UQCRC2: variants seen among roughly 807,000 people sequenced by gnomAD.
UQCRC2 encodes the protein ubiquinol-cytochrome c reductase core protein 2.
In UQCRC2, 49 loss-of-function variants were observed where a neutral mutation model predicts 55.6. That is an observed-to-expected ratio of 0.88 (90% CI 0.70 to 1.12). The LOEUF (loss-of-function observed/expected upper bound fraction) is 1.12. UQCRC2 is among the 50% of genes most tolerant of loss of function. UQCRC2 has a pLI of 0.00. For synonymous variants in UQCRC2, 193 were observed against 192.0 expected, an observed-to-expected ratio of 1.01 and a Z score of -0.04; for missense variants, 506 against 547.8, an observed-to-expected ratio of 0.92 and a Z score of 0.76.
chr16:21,979,718 G>A (rs1043198997), intron 12 of UQCRC2, among the ~76,000 whole-genome samples: 9 of 150,130 alleles, frequency 6.0e-5, no homozygotes, highest in African/African-American at 1.5e-4. Context: ...GTGCACTGCT[G>A]TAGATACTAA....
intron 4 of UQCRC2, 126 bp downstream of exon 4, chr16:21,958,725 A>C: frequency 1.3e-6 from 1 of 775,548 alleles, no homozygotes; most frequent in East Asian, 2.7e-5. Flanking sequence ...AGACTGATGA[A>C]TTTGAGTATA....
intron 1 of UQCRC2, among the ~76,000 whole-genome samples, 171 bp from the exon 2 acceptor site, chr16:21,957,064 G>A (rs1207531324): frequency 1.4e-5 from 2 of 147,772 alleles, no homozygotes; most frequent in African/African-American, 2.5e-5. Context: ...GAGACACTCT[G>A]TCTCAAAAAA....
At chr16:21,967,751 G>C (rs1394263521) in intron 7 of UQCRC2, among the ~76,000 whole-genome samples, 4 of 152,126 alleles carry the variant, frequency 2.6e-5, no homozygotes, top group African/African-American at 7.2e-5. Context: ...TGATCTTACA[G>C]TTTCGACACC....
intron 12 of UQCRC2, 156 bp from the exon 13 acceptor site, chr16:21,980,391 G>A (rs1426045186): frequency 5.4e-6 from 4 of 747,158 alleles, no homozygotes; most frequent in Admixed American, 5.7e-5. Flanking sequence ...CCAGAGAAGG[G>A]AGTGGCATTC....
chr16:21,973,952 C>G lies in UQCRC2; in HGVS notation c.1023C>G (p.Ile341Met), dbSNP rs769955662. ...SDSGLFGIYT[I>M]SQATAAGDVI... Reference sequence around the variant, plus strand: ...CTGGACTCTTTGGGATTTATACTATCTCCCAGGCCACAGCTGCTGGAGATG... The same window carrying G: ...CTGGACTCTTTGGGATTTATACTATGTCCCAGGCCACAGCTGCTGGAGATG... The change falls in exon 11 of 14, where the codon ATC becomes ATG. Residue 341 changes from isoleucine (I) to methionine (M), a missense_variant. By Grantham distance (10) the Ile-to-Met change is conservative. Transcript: ENST00000268379. 6.2e-7 allele frequency: 1 copy of G among 1,610,458 alleles called. No individual in the cohort carries two copies. The highest frequency in any genetic ancestry group is 1.1e-5 in the South Asian group (1 of 90,308).
intron 1 of UQCRC2, among the ~76,000 whole-genome samples, chr16:21,955,213 A>G (rs1898069406): frequency 6.6e-6 from 1 of 152,226 alleles, no homozygotes; most frequent in Admixed American, 6.5e-5. Context: ...GGAAAATTAT[A>G]GGCCAAAATT....
intron 8 of UQCRC2, among the ~76,000 whole-genome samples, chr16:21,970,811 C>T (rs764889367): frequency 3.9e-5 from 6 of 152,160 alleles, no homozygotes; most frequent in Non-Finnish European, 8.8e-5. Context: ...GTCTCGAACT[C>T]CTGAGCTCAG....
Position 21,953,473 on chromosome 16 carries a change from G to A in UQCRC2, c.33+17G>A, listed in dbSNP as rs1345044133. 1 of 1,611,974 alleles carries A rather than the reference G, an allele frequency of 6.2e-7. No individual in the cohort carries two copies. Among genetic ancestry groups the A allele is most frequent in the Admixed American group, 1.7e-5 (1 of 59,772 alleles). ...TCTTTCTCGGTGAGCTCAGGTGGCG[G>A]GTTTGGGAAAGGGCTGGGGAGCAGT... On this transcript the variant is annotated intron_variant, in intron 1 of 13. Transcript: ENST00000268379.
chr16:21,962,375 C>T, intron 4 of UQCRC2, 85 bp from the exon 5 acceptor site: 4 of 1,501,416 alleles, frequency 2.7e-6, no homozygotes, highest in East Asian at 2.3e-5. Flanking sequence ...ATTTTCTTTC[C>T]AAAGGAATTG....
At chr16:21,963,982 G>C (rs1394776987) in intron 6 of UQCRC2, among the ~76,000 whole-genome samples, 1 of 151,980 alleles carries the variant, frequency 6.6e-6, no homozygotes, top group Non-Finnish European at 1.5e-5. Context: ...ATCTTGACAA[G>C]TACAACTGGT....
At chr16:21,972,262 T>G in intron 10 of UQCRC2, 140 bp downstream of exon 10, 1 of 1,136,544 alleles carries the variant, frequency 8.8e-7, no homozygotes, top group Non-Finnish European at 1.2e-6. Context: ...CAGGCTTGAT[T>G]TTAGTATCTT....
chr16:21,974,028 C>A, intron 11 of UQCRC2, 52 bp downstream of exon 11: 1 of 1,464,872 alleles, frequency 6.8e-7, no homozygotes, highest in East Asian at 2.4e-5. Flanking sequence ...TTTCTCCCCC[C>A]CGCCATAAAC....
chr16:21,977,999 C>G (rs566471521), intron 12 of UQCRC2, among the ~76,000 whole-genome samples: 19 of 152,252 alleles, frequency 1.2e-4, no homozygotes, highest in African/African-American at 4.3e-4. Flanking sequence ...ACTGGATTTA[C>G]TTAAGAAAAA....
chr16:21,967,765 G>T (rs781214851), intron 7 of UQCRC2, among the ~76,000 whole-genome samples: 2 of 152,072 alleles, frequency 1.3e-5, no homozygotes, highest in Admixed American at 1.3e-4. Context: ...CGACACCCTG[G>T]TATAGACAAT....
At chr16:21,953,721 T>A (rs1898049265) in intron 1 of UQCRC2, among the ~76,000 whole-genome samples, 2 of 152,136 alleles carry the variant, frequency 1.3e-5, no homozygotes, top group Non-Finnish European at 2.9e-5. Flanking sequence ...GAGAGACTTC[T>A]GAAGGTCACT....
At chr16:21,965,327 G>A in intron 6 of UQCRC2, 81 bp from the exon 7 acceptor site, 5 of 1,349,370 alleles carry the variant, frequency 3.7e-6, no homozygotes, top group Non-Finnish European at 5.2e-6. Context: ...AATTTGTATA[G>A]GCTTGTTGCT....
chr16:21,979,458 C>T (rs1341182833), intron 12 of UQCRC2, among the ~76,000 whole-genome samples: 1 of 152,148 alleles, frequency 6.6e-6, no homozygotes, highest in Non-Finnish European at 1.5e-5. Context: ...TAGCCTACTA[C>T]ACACATGGGC....
intron 7 of UQCRC2, 182 bp from the exon 8 acceptor site, chr16:21,968,446 T>C (rs112941641): frequency 6.5e-6 from 3 of 458,066 alleles, no homozygotes; most frequent in African/African-American, 2.0e-5. Context: ...TCTAGTTCTT[T>C]TAAGCAATAG....
intron 1 of UQCRC2, among the ~76,000 whole-genome samples, chr16:21,953,971 T>G (rs569341167): frequency 6.6e-6 from 1 of 152,308 alleles, no homozygotes; most frequent in East Asian, 1.9e-4. Flanking sequence ...AACGTTGCTT[T>G]TCTTGATCGT....
Sources: allele counts gnomAD v4.1 joint callset (sites outside exome capture counted in the v4.1 genomes callset), GRCh38; gene constraint gnomAD v4.1.1; transcripts MANE v1.5; gene names NCBI Gene and HGNC (gene_info 2026-07-23, HGNC 2026-07-21).